Variants in PDE1A observed in about 807,000 individuals in gnomAD.
The protein encoded by PDE1A is dual specificity calcium/calmodulin-dependent 3',5'-cyclic nucleotide phosphodiesterase 1A.
PDE1A carries 35 observed loss-of-function variants against 61.7 expected under a neutral mutation model. The observed-to-expected ratio is 0.57, with a 90% CI of 0.43 to 0.75. The LOEUF is 0.75. PDE1A is among the 30% of genes least tolerant of loss of function. The pLI, the probability that PDE1A is intolerant of heterozygous loss-of-function variation, is 0.00. For missense variants in PDE1A, 597 were observed against 630.6 expected (o/e 0.95, Z 0.57); for synonymous variants, 232 against 213.2 (o/e 1.09, Z -0.77).
downstream of PDE1A, chr2:182,147,014 C>A: frequency 9.7e-7 from 1 of 1,035,272 alleles, no homozygotes; most frequent in Non-Finnish European, 1.5e-6. Flanking sequence ...AGTTAAGTTT[C>A]TGGTCTATAA....
At chr2:182,659,118 C>A in the PDE1A span, among the ~76,000 whole-genome samples, 1 of 152,148 alleles carries the variant, frequency 6.6e-6, no homozygotes, top group African/African-American at 2.4e-5. Context: ...ATCCATCTCT[C>A]TATTTGTAAG....
chr2:182,189,129 A>G (rs1178451463), intron 10 of PDE1A, 69 bp from the exon 11 acceptor site: 41 of 936,062 alleles, frequency 4.4e-5, no homozygotes, highest in East Asian at 3.9e-4. Context: ...AACCTAAGAT[A>G]TAAAGCCTAG....
the PDE1A span, among the ~76,000 whole-genome samples, chr2:182,529,717 C>T: frequency 2.2e-4 from 33 of 152,244 alleles, no homozygotes; most frequent in African/African-American, 7.0e-4. Context: ...ATCATGGGAG[C>T]TGATTTCCCC....
At chr2:182,290,254 A>C (rs757223736) in intron 1 of PDE1A, among the ~76,000 whole-genome samples, 12 of 152,114 alleles carry the variant, frequency 7.9e-5, no homozygotes, top group Non-Finnish European at 1.6e-4. Context: ...TGAGAAGAAA[A>C]GTATATTGAG....
At chr2:182,176,882 G>A (rs1444460869) in intron 13 of PDE1A, among the ~76,000 whole-genome samples, 1 of 150,168 alleles carries the variant, frequency 6.7e-6, no homozygotes, top group African/African-American at 2.5e-5. Context: ...TTTATTGAGA[G>A]TTTTTAGCAT....
At chr2:182,474,825 A>G (rs540216296) in intron 2 of PDE1A, among the ~76,000 whole-genome samples, 65 of 152,104 alleles carry the variant, frequency 4.3e-4, no homozygotes, top group Non-Finnish European at 7.7e-4. Flanking sequence ...GTAAAGCTCT[A>G]CTTACACAAA....
intron 6 of PDE1A, among the ~76,000 whole-genome samples, chr2:182,229,439 A>AGAG (rs1689393536): frequency 6.6e-6 from 1 of 152,104 alleles, no homozygotes. Flanking sequence ...CAACTCTCTC[A>AGAG]GAGTTCCTGT....
At chr2:182,323,757 C>T (rs753554728) in intron 1 of PDE1A, among the ~76,000 whole-genome samples, 1 of 152,164 alleles carries the variant, frequency 6.6e-6, no homozygotes, top group Non-Finnish European at 1.5e-5. Flanking sequence ...GCAAGTATTA[C>T]ATCTCACGAA....
the PDE1A span, among the ~76,000 whole-genome samples, chr2:182,629,645 G>A: frequency 8.9e-3 from 1,352 of 152,154 alleles, 10 homozygotes; most frequent in South Asian, 0.024. Context: ...AATAGCCCAT[G>A]GTATTAATGT....
the PDE1A span, among the ~76,000 whole-genome samples, chr2:182,640,155 G>A: frequency 6.6e-6 from 1 of 152,212 alleles, no homozygotes; most frequent in Non-Finnish European, 1.5e-5. Context: ...ATCTTGCCAA[G>A]CTGTTATTCA....
intron 2 of PDE1A, among the ~76,000 whole-genome samples, chr2:182,473,698 G>T (rs1035864327): frequency 6.6e-6 from 1 of 151,792 alleles, no homozygotes; most frequent in African/African-American, 2.4e-5. Context: ...GTGTCCATGT[G>T]TTCTCATAAT....
chr2:182,383,513 T>C (rs996297378), intron 1 of PDE1A, among the ~76,000 whole-genome samples: 3 of 152,120 alleles, frequency 2.0e-5, no homozygotes, highest in Non-Finnish European at 4.4e-5. Context: ...AAAACATATA[T>C]AATACAAGGC....
chr2:182,345,115 G>C (rs1438070), intron 1 of PDE1A, among the ~76,000 whole-genome samples: 50,145 of 151,948 alleles, frequency 0.33, 9,973 homozygotes, highest in Middle Eastern at 0.45. Flanking sequence ...ATTTATTTAG[G>C]CTTTATTTAT....
At chr2:182,192,830 T>C (rs1685815093) in intron 10 of PDE1A, among the ~76,000 whole-genome samples, 1 of 152,126 alleles carries the variant, frequency 6.6e-6, no homozygotes, top group Non-Finnish European at 1.5e-5. Flanking sequence ...GTAAGAGAAC[T>C]AGTAATTGTT....
the PDE1A span, among the ~76,000 whole-genome samples, chr2:182,559,392 C>T: frequency 6.6e-6 from 1 of 152,044 alleles, no homozygotes; most frequent in African/African-American, 2.4e-5. Flanking sequence ...GTTTTTAAAA[C>T]AGAAAAGATA....
At chr2:182,434,521 A>G (rs558848803) in intron 2 of PDE1A, among the ~76,000 whole-genome samples, 2 of 152,152 alleles carry the variant, frequency 1.3e-5, no homozygotes, top group South Asian at 4.1e-4. Context: ...GCAGAAAGGA[A>G]AGCTAACTGA....
At chr2:182,446,287 G>T in intron 2 of PDE1A, among the ~76,000 whole-genome samples, 1 of 152,048 alleles carries the variant, frequency 6.6e-6, no homozygotes, top group East Asian at 1.9e-4. Context: ...AGCTCTGTTA[G>T]AACAGCATAC....
chr2:182,558,800 T>C, the PDE1A span, among the ~76,000 whole-genome samples: 1 of 152,204 alleles, frequency 6.6e-6, no homozygotes, highest in East Asian at 1.9e-4. Flanking sequence ...AATCATGCAG[T>C]CTTCCATAAA....
chr2:182,709,634 G>C, the PDE1A span, among the ~76,000 whole-genome samples: 1 of 152,236 alleles, frequency 6.6e-6, no homozygotes, highest in Non-Finnish European at 1.5e-5. Context: ...GATCTTGAAA[G>C]ATGAGTAGCA....
Sources: allele counts gnomAD v4.1 joint callset (sites outside exome capture counted in the v4.1 genomes callset), GRCh38; gene constraint gnomAD v4.1.1; transcripts MANE v1.5; gene names NCBI Gene and HGNC (gene_info 2026-07-23, HGNC 2026-07-21).